The following SLC4A4 variants were observed in gnomAD, a reference collection of about 807,000 sequenced individuals.
SLC4A4 encodes the protein solute carrier family 4 member 4.
In SLC4A4, 27 loss-of-function variants were observed where a neutral mutation model predicts 111.5. That is an observed-to-expected ratio of 0.24 (90% CI 0.18 to 0.33). SLC4A4 has a LOEUF of 0.33. Ranked by LOEUF, SLC4A4 falls within the 10% of genes least tolerant of loss-of-function variation. The pLI is 1.00. For synonymous variants in SLC4A4, 443 were observed against 463.4 expected (o/e 0.96, Z 0.57); for missense variants, 909 against 1,315.5 (o/e 0.69, Z 4.78).
chr4:71,551,299 A>G (rs1207860517), intron 20 of SLC4A4, among the ~76,000 whole-genome samples: 1 of 151,964 alleles, frequency 6.6e-6, no homozygotes, highest in African/African-American at 2.4e-5. Context: ...TTCTAAAATC[A>G]GGATAGCATT....
chr4:71,121,672 C>T (rs10938133), intron 2 of SLC4A4, among the ~76,000 whole-genome samples: 110,283 of 151,596 alleles, frequency 0.73, 42,202 homozygotes, highest in Admixed American at 0.85. Flanking sequence ...CCTGTCAAAA[C>T]GGACCAATCA....
chr4:71,426,908 G>T (rs1296622581), intron 7 of SLC4A4, among the ~76,000 whole-genome samples: 5 of 152,006 alleles, frequency 3.3e-5, no homozygotes, highest in African/African-American at 1.2e-4. Context: ...GTTTTTCACT[G>T]TCCTTTATTA....
At chr4:71,480,501 T>G (rs887304538) in intron 14 of SLC4A4, among the ~76,000 whole-genome samples, 1 of 151,794 alleles carries the variant, frequency 6.6e-6, no homozygotes, top group Non-Finnish European at 1.5e-5. Context: ...AAAGCCATTT[T>G]TACCCTTTGT....
At chr4:71,364,564 A>G (rs995540650) in intron 6 of SLC4A4, among the ~76,000 whole-genome samples, 5 of 152,172 alleles carry the variant, frequency 3.3e-5, no homozygotes, top group Admixed American at 6.6e-5. Flanking sequence ...GGTGCGTTCT[A>G]TGGATCCTCG....
rs1724619267 is a variant in SLC4A4, at chr4:71,440,512, G to A, written c.808-104G>A. 3.2e-6 allele frequency: 4 copies of A among 1,255,492 alleles called. No individual in the cohort carries two copies. The East Asian group carries it at 7.0e-5, about 22-fold the overall frequency. The allele number at this position is 1,255,492 out of a possible 1,614,324, so 77.8% of individuals were successfully genotyped here. A position where few individuals can be genotyped will look rare whatever the true frequency, so the allele number is the denominator to read the frequency against. Reference sequence around the variant, plus strand: ...ATTTGTAAAAAGGAATTTCCTGTGAGTGATACATGGGAAGGCCCTTTTTGT... The same window carrying A: ...ATTTGTAAAAAGGAATTTCCTGTGAATGATACATGGGAAGGCCCTTTTTGT... On this transcript the variant is annotated intron_variant, in intron 7 of 25. Coordinates refer to ENST00000264485, the MANE Select transcript of SLC4A4 (RefSeq NM_001098484.3).
At chr4:71,263,132 A>G (rs1721991314) in intron 3 of SLC4A4, among the ~76,000 whole-genome samples, 1 of 151,170 alleles carries the variant, frequency 6.6e-6, no homozygotes, top group Non-Finnish European at 1.5e-5. Context: ...CAATCCTTCT[A>G]TTGCTCATCA....
chr4:71,219,559 T>G (rs1479236474), intron 1 of SLC4A4, among the ~76,000 whole-genome samples: 2 of 152,164 alleles, frequency 1.3e-5, no homozygotes, highest in Non-Finnish European at 2.9e-5. Flanking sequence ...GATCAAGGAG[T>G]AATTTCGACT....
intron 24 of SLC4A4, among the ~76,000 whole-genome samples, chr4:71,565,902 C>T (rs749447948): frequency 7.1e-4 from 108 of 151,792 alleles, no homozygotes; most frequent in Non-Finnish European, 1.3e-3. Context: ...ATATGGCCTC[C>T]CTCAGAGCCA....
At chr4:71,181,311 C>G (rs919432971) in intron 2 of SLC4A4, among the ~76,000 whole-genome samples, 1 of 152,068 alleles carries the variant, frequency 6.6e-6, no homozygotes, top group Non-Finnish European at 1.5e-5. Flanking sequence ...CACATGTATA[C>G]AGATGTAACT....
At position 71,450,547 on chromosome 4, in the gene SLC4A4, A is replaced by T. The variant is rs747588886; in HGVS notation, c.1208+4A>T. On this transcript the variant is annotated splice_donor_region_variant and intron_variant, in intron 10 of 25. Coordinates refer to ENST00000264485, the MANE Select transcript of SLC4A4 (RefSeq NM_001098484.3). ...GTCTTCCATCCTCTGACAAAAGGTA[A>T]ATTATAGGCAGTTGATAATTTTCAG... 6.2e-7 allele frequency: 1 copy of T among 1,612,834 alleles called. No individual in the cohort carries two copies.
intron 3 of SLC4A4, among the ~76,000 whole-genome samples, chr4:71,265,911 A>G (rs1722220557): frequency 6.6e-6 from 1 of 152,200 alleles, no homozygotes; most frequent in Non-Finnish European, 1.5e-5. Flanking sequence ...AAATATCTTT[A>G]GCTTTCTAAA....
upstream of SLC4A4, among the ~76,000 whole-genome samples, chr4:71,182,607 T>C (rs978571091): frequency 6.6e-6 from 1 of 152,120 alleles, no homozygotes; most frequent in Non-Finnish European, 1.5e-5. Context: ...TGGCCTGCTA[T>C]GTAGGCCCAT....
At chr4:71,215,167 C>T (rs942005021) in intron 1 of SLC4A4, among the ~76,000 whole-genome samples, 1 of 152,158 alleles carries the variant, frequency 6.6e-6, no homozygotes. Context: ...GTCATTTAGT[C>T]CATCCTTCTG....
intron 2 of SLC4A4, among the ~76,000 whole-genome samples, chr4:71,176,844 C>G (rs1313316787): frequency 6.6e-6 from 1 of 152,120 alleles, no homozygotes; most frequent in Admixed American, 6.5e-5. Flanking sequence ...CAAAGATACT[C>G]CTCAAGAAGA....
intron 2 of SLC4A4, among the ~76,000 whole-genome samples, chr4:71,138,971 G>A (rs925070709): frequency 6.9e-6 from 1 of 144,784 alleles, no homozygotes; most frequent in African/African-American, 2.7e-5. Context: ...GGGAGGCGGA[G>A]CTTGCAGTGA....
intron 1 of SLC4A4, among the ~76,000 whole-genome samples, chr4:71,233,542 T>G (rs989336179): frequency 6.6e-6 from 1 of 152,146 alleles, no homozygotes; most frequent in Non-Finnish European, 1.5e-5. Flanking sequence ...TCCTTGATTT[T>G]TACATTTTCT....
At chr4:71,376,174 C>CAT (rs1355358053) in intron 6 of SLC4A4, among the ~76,000 whole-genome samples, 3 of 149,814 alleles carry the variant, frequency 2.0e-5, no homozygotes, top group African/African-American at 7.4e-5. Context: ...CACACACACA[C>CAT]ACACACACAC....
At chr4:71,556,775 A>G (rs1287411845) in intron 21 of SLC4A4, among the ~76,000 whole-genome samples, 1 of 152,004 alleles carries the variant, frequency 6.6e-6, no homozygotes, top group Non-Finnish European at 1.5e-5. Context: ...GGAAAAAGAA[A>G]ACCCTTTAAG....
intron 20 of SLC4A4, among the ~76,000 whole-genome samples, chr4:71,548,725 GGC>G (rs1735748865): frequency 6.6e-6 from 1 of 151,626 alleles, no homozygotes; most frequent in African/African-American, 2.4e-5. Flanking sequence ...TAAGTAATGG[GGC>G]AGTACAATCT....
Sources: gnomAD v4.1 joint callset for allele counts (sites outside exome capture counted in the v4.1 genomes callset) on GRCh38, gnomAD v4.1.1 for gene constraint, MANE v1.5 for transcripts, NCBI Gene and HGNC (gene_info 2026-07-23, HGNC 2026-07-21) for gene names.